Variants in HSD17B4 observed in about 807,000 individuals in gnomAD.
HSD17B4 encodes the protein hydroxysteroid 17-beta dehydrogenase 4.
In HSD17B4, 70 loss-of-function variants were observed where a neutral mutation model predicts 101.0. That is an observed-to-expected ratio of 0.69 (90% confidence interval 0.57 to 0.85). The LOEUF (loss-of-function observed/expected upper bound fraction) is 0.85. HSD17B4 is among the 40% of genes least tolerant of loss of function. The probability of loss-of-function intolerance (pLI) is 0.00; values close to 1 mark genes in which losing one functional copy is unlikely to be tolerated. For synonymous variants in HSD17B4, 347 were observed against 297.1 expected, an observed-to-expected ratio of 1.17 and a Z score of -1.73; for missense variants, 984 against 892.4, an observed-to-expected ratio of 1.10 and a Z score of -1.31.
chr5:119,528,682 G>T (rs1381818691), intron 20 of HSD17B4, among the ~76,000 whole-genome samples: 2 of 152,058 alleles, frequency 1.3e-5, no homozygotes, highest in Admixed American at 1.3e-4. Flanking sequence ...TTATTTTCCT[G>T]CAATTCTGGT....
intron 14 of HSD17B4, among the ~76,000 whole-genome samples, chr5:119,502,403 T>G (rs535213612): frequency 2.9e-4 from 44 of 152,200 alleles, no homozygotes; most frequent in Non-Finnish European, 5.4e-4. Context: ...TCTGTTATGG[T>G]TCTTATGATT....
At position 119,536,451 on chromosome 5, in the gene HSD17B4, A is replaced by T. The variant is rs775607527; in HGVS notation, c.2022A>T (p.Lys674Asn). The change falls in exon 23 of 24, where the codon AAA (lysine) becomes AAT (asparagine). Residue 674 changes from lysine to asparagine, a missense_variant. Physicochemically the swap from Lys to Asn is moderately conservative, Grantham distance 94. Transcript: ENST00000510025. ...TTGACCTGAAAAGTGGTTCTGGAAAAGTGTACCAAGGCCCTGCAAAAGGTG... is the reference window on the plus strand; with the variant it reads ...TTGACCTGAAAAGTGGTTCTGGAAATGTGTACCAAGGCCCTGCAAAAGGTG... ...WTIDLKSGSG[K>N]VYQGPAKGAA... The T allele has an allele frequency of 6.2e-7, 1 of 1,612,430 alleles. No homozygotes were observed. The highest frequency in any genetic ancestry group is 1.7e-5 in the Admixed American group (1 of 59,872).
At chr5:119,537,657 T>A (rs1270494314) in intron 23 of HSD17B4, among the ~76,000 whole-genome samples, 2 of 152,194 alleles carry the variant, frequency 1.3e-5, no homozygotes, top group Non-Finnish European at 2.9e-5. Context: ...AAACTTTTTC[T>A]GTAAAGGGTT....
intron 16 of HSD17B4, among the ~76,000 whole-genome samples, chr5:119,513,392 T>G (rs554362554): frequency 2.0e-5 from 3 of 152,340 alleles, no homozygotes; most frequent in Admixed American, 6.5e-5. Context: ...CTTTGTTCTT[T>G]TTTCTTTTTG....
At chr5:119,476,769 C>A (rs1050798683) in intron 6 of HSD17B4, 1 of 872,580 alleles carries the variant, frequency 1.1e-6, no homozygotes, top group Non-Finnish European at 1.4e-6. Flanking sequence ...CTACTCCTGA[C>A]TACCCTTCTC....
intron 22 of HSD17B4, chr5:119,536,174 A>T (rs1754516160): frequency 2.3e-6 from 1 of 439,190 alleles, no homozygotes; most frequent in African/African-American, 2.0e-5. Flanking sequence ...GTGGTTGCAG[A>T]CCATGACCTG....
intron 2 of HSD17B4, among the ~76,000 whole-genome samples, chr5:119,456,917 G>C (rs1409598764): frequency 2.0e-5 from 3 of 152,170 alleles, no homozygotes; most frequent in Non-Finnish European, 4.4e-5. Flanking sequence ...TGAATTTTGA[G>C]AACTGGAAGT....
chr5:119,496,618 G>A lies in HSD17B4; in HGVS notation c.944G>A (p.Arg315His), dbSNP rs878863609. 8.1e-6 allele frequency: 13 copies of A among 1,602,494 alleles called. No individual in the cohort carries two copies. Among genetic ancestry groups the A allele is most frequent in the Middle Eastern group, 1.6e-4 (1 of 6,064 alleles). The change falls in exon 12 of 24, where the codon CGT becomes CAT. Residue 315 changes from arginine to histidine, a missense_variant. By Grantham distance (29) the Arg-to-His change is conservative (BLOSUM62 0). Coordinates refer to ENST00000510025, the MANE Select transcript of HSD17B4 (RefSeq NM_000414.4). ...GGAGTTTCAGCAAATCATACTAGTC[G>A]TGCAACGTCTACAGCAACATCAGGA... ...EGGVSANHTS[R>H]ATSTATSGFA...
In HSD17B4 at chr5:119,509,241, C is replaced by T. The variant is rs1239905170; in HGVS notation, c.1434C>T (p.Val478=). The change falls in exon 16 of 24, where the codon GTC becomes GTT. Residue 478 remains valine (V), a synonymous_variant. Transcript: ENST00000510025. ...GTGGAAAACGGACATCAGACAAAGT[C>T]AAGGTAAGCCATGACTTTGTAAGCA... The part of the protein sequence containing the change: ...GFGGKRTSDK[V]KVAVAIPNRP... The T allele has an allele frequency of 6.4e-7, 1 of 1,570,358 alleles. No homozygotes were observed. Among genetic ancestry groups the T allele is most frequent in the Non-Finnish European group, 8.8e-7 (1 of 1,140,158 alleles).
chr5:119,494,339 T>TTCTC (rs1750419901), intron 11 of HSD17B4, among the ~76,000 whole-genome samples: 1 of 141,804 alleles, frequency 7.1e-6, no homozygotes, highest in African/African-American at 2.6e-5. Context: ...CTTTCTTTCT[T>TTCTC]TCTTTCTTTC....
chr5:119,467,169 T>C (rs1025835503), intron 2 of HSD17B4, among the ~76,000 whole-genome samples: 1 of 152,230 alleles, frequency 6.6e-6, no homozygotes, highest in East Asian at 1.9e-4. Flanking sequence ...TTATTGAGGC[T>C]TATTTTGTGG....
rs200829499 is a variant in HSD17B4, at chr5:119,455,542, T to TTC, written c.59-747_59-746dup. Among the ~76,000 whole-genome samples, 375 of 139,342 alleles carry TTC rather than the reference T, an allele frequency of 2.7e-3. 2 individuals are homozygous for TTC. The highest frequency in any genetic ancestry group is 4.4e-3 in the Admixed American group (61 of 13,852). The allele number at this position is 139,342 out of a possible 152,430, so 91.4% of individuals were successfully genotyped here. ...AAAAAAAAAGAAAAAAAGCAAAACTTTCTCTCTCTCTCTCTCTCTCTCTCT... is the reference window on the plus strand; with the variant it reads ...AAAAAAAAAGAAAAAAAGCAAAACTTTCTCTCTCTCTCTCTCTCTCTCTCTCT... On this transcript the variant is annotated intron_variant, in intron 1 of 23. Coordinates refer to ENST00000510025, the MANE Select transcript of HSD17B4 (RefSeq NM_000414.4).
chr5:119,536,042 C>T, intron 22 of HSD17B4: 1 of 251,064 alleles, frequency 4.0e-6, no homozygotes, highest in Non-Finnish European at 7.8e-6. Context: ...AGCTAAAAAT[C>T]AACAGTAAGA....
chr5:119,520,963 A>C (rs1038449702), intron 17 of HSD17B4, among the ~76,000 whole-genome samples: 9 of 152,146 alleles, frequency 5.9e-5, no homozygotes, highest in Admixed American at 6.6e-5. Context: ...AGCATTTAAC[A>C]TTTATGTATT....
intron 7 of HSD17B4, 76 bp downstream of exon 7, chr5:119,477,577 G>A: frequency 1.1e-6 from 1 of 939,654 alleles, no homozygotes; most frequent in Non-Finnish European, 1.8e-6. Flanking sequence ...GAAAGATTAT[G>A]TGAAGTGTTG....
At chr5:119,476,939 C>T (rs1748643181) in intron 6 of HSD17B4, among the ~76,000 whole-genome samples, 2 of 152,184 alleles carry the variant, frequency 1.3e-5, no homozygotes, top group African/African-American at 2.4e-5. Context: ...GTGGTCTGTT[C>T]GTTAGATTGA....
chr5:119,452,701 C>CA, intron 1 of HSD17B4, 68 bp downstream of exon 1: 1 of 1,608,348 alleles, frequency 6.2e-7, no homozygotes, highest in Non-Finnish European at 8.5e-7. Context: ...TTCGGGCCGG[C>CA]ATACGCGCGC....
At position 119,536,505 on chromosome 5, in the gene HSD17B4, T is replaced by G. The variant is rs1376093459; in HGVS notation, c.2076T>G (p.Asp692Glu). The G allele has an allele frequency of 6.2e-7, 1 of 1,612,326 alleles. No individual in the cohort carries two copies. Among genetic ancestry groups the G allele is most frequent in the South Asian group, 1.1e-5 (1 of 91,066 alleles). ...CTGATACAACAATCATACTTTCAGATGAAGATTTCATGGAGGTGGTCCTGG... is the reference window on the plus strand; with the variant it reads ...CTGATACAACAATCATACTTTCAGAGGAAGATTTCATGGAGGTGGTCCTGG... ...GAADTTIILS[D>E]EDFMEVVLGK... The change falls in exon 23 of 24, where the codon GAT (aspartate) becomes GAG (glutamate). Residue 692 changes from aspartate to glutamate, a missense_variant. Coordinates refer to ENST00000510025, the MANE Select transcript of HSD17B4 (RefSeq NM_000414.4).
chr5:119,522,235 T>G (rs1753182584), intron 17 of HSD17B4, among the ~76,000 whole-genome samples: 1 of 152,218 alleles, frequency 6.6e-6, no homozygotes, highest in African/African-American at 2.4e-5. Context: ...GGTTTCCAGC[T>G]TCATCCATGT....
Sources: gnomAD v4.1 joint callset for allele counts (sites outside exome capture counted in the v4.1 genomes callset) on GRCh38, gnomAD v4.1.1 for gene constraint, MANE v1.5 for transcripts, NCBI Gene and HGNC (gene_info 2026-07-23, HGNC 2026-07-21) for gene names.